CTSK: variants seen among roughly 807,000 people sequenced by gnomAD.
CTSK encodes cathepsin K.
Under a neutral mutation model 40.5 loss-of-function variants are expected in CTSK, and 26 were observed. That is an observed-to-expected ratio of 0.64 (90% CI 0.47 to 0.89). The LOEUF (loss-of-function observed/expected upper bound fraction) is 0.89. CTSK is among the 40% of genes least tolerant of loss of function. The probability of loss-of-function intolerance (pLI) is 0.00; values close to 1 mark genes in which losing one functional copy is unlikely to be tolerated. For missense variants in CTSK, 292 were observed against 400.1 expected, an observed-to-expected ratio of 0.73 and a Z score of 2.30; for synonymous variants, 132 against 143.2, an observed-to-expected ratio of 0.92 and a Z score of 0.56.
chr1:150,800,727 C>A, intron 5 of CTSK: 1 of 165,322 alleles, frequency 6.0e-6, no homozygotes. Flanking sequence ...TGTTTGTGCC[C>A]AGGAGTTTGA....
In CTSK at chr1:150,799,575, T is replaced by A; in HGVS notation, c.753A>T (p.Ala251=). 1 of 1,614,220 alleles carries A rather than the reference T, an allele frequency of 6.2e-7. No individual in the cohort carries two copies. The highest frequency in any genetic ancestry group is 8.5e-7 in the Non-Finnish European group (1 of 1,180,038). Residue 251 remains alanine, a synonymous_variant, in exon 6 of 8, where the codon GCA becomes GCT. Coordinates refer to ENST00000271651, the MANE Select transcript of CTSK (RefSeq NM_000396.4). ...RVGPVSVAID[A]SLTSFQFYSK... is the part of the protein sequence containing the mutation. ...TGTAAAACTGGAAGGAGGTCAGGCT[T>A]GCATCAATGGCCACAGAGACAGGTC...
chr1:150,799,438 C>T (rs1653939817), intron 6 of CTSK, 106 bp downstream of exon 6: 1 of 1,403,158 alleles, frequency 7.1e-7, no homozygotes. Flanking sequence ...CTGGCCACCT[C>T]CATGTGAATA....
rs754866059 is a variant in CTSK, at chr1:150,804,041, C to T, written c.598G>A (p.Ala200Thr). The T allele has an allele frequency of 1.2e-5, 19 of 1,614,016 alleles. No homozygotes were observed. The South Asian group carries it at 2.1e-4, about 18-fold the overall frequency. Residue 200 changes from alanine (A) to threonine (T), a missense_variant, in exon 5 of 8, where the codon GCC becomes ACC. Coordinates refer to ENST00000271651, the MANE Select transcript of CTSK (RefSeq NM_000396.4). ...CTCACCTGTCCCACATATGGGTAGGCATCTTCAGAGTCAATACCCCGGTTC... is the reference window on the plus strand; with the variant it reads ...CTCACCTGTCCCACATATGGGTAGGTATCTTCAGAGTCAATACCCCGGTTC... ...QKNRGIDSEDAYPYVGQEESC... is the reference protein window; with the variant it reads ...QKNRGIDSEDTYPYVGQEESC...
At position 150,807,005 on chromosome 1, in the gene CTSK, T is replaced by TTCTCTCTCTCTCTCTCTCTCTCTC. The variant is rs71659432; in HGVS notation, c.-1-200_-1-199insGAGAGAGAGAGAGAGAGAGAGAGA. On this transcript the variant is annotated intron_variant, in intron 1 of 7. Coordinates refer to ENST00000271651, the MANE Select transcript of CTSK (RefSeq NM_000396.4). ...TAGGGGGATTTAGCCATTTCTCTCT[T>TTCTCTCTCTCTCTCTCTCTCTCTC]TCTCTCTCTCTCTCTCTCTCGGGAG... Among the ~76,000 whole-genome samples the TTCTCTCTCTCTCTCTCTCTCTCTC allele has an allele frequency of 2.3e-3, 322 of 139,048 alleles. 6 individuals carry two copies. The highest frequency in any genetic ancestry group is 0.018 in the South Asian group (73 of 4,122). The allele number at this position is 139,048 out of a possible 152,430, so 91.2% of individuals were successfully genotyped here.
chr1:150,800,377 G>A (rs2101948694), intron 5 of CTSK: 1 of 155,336 alleles, frequency 6.4e-6, no homozygotes, highest in South Asian at 2.0e-4. Flanking sequence ...CCAAGGCCAA[G>A]GCTTAGCTAG....
chr1:150,804,158 T>A lies in CTSK; in HGVS notation c.481A>T (p.Asn161Tyr), dbSNP rs751076750. The change falls in exon 5 of 8, where the codon AAT (asparagine) becomes TAT (tyrosine). Residue 161 changes from asparagine to tyrosine, a missense_variant. Coordinates refer to ENST00000271651, the MANE Select transcript of CTSK (RefSeq NM_000396.4). ...QLKKKTGKLL[N>Y]LSPQNLVDCV... ...TCCACTAGGTTCTGGGGACTCAGAT[T>A]TAAGAGTTTGCCAGTTTTCTTCTTG... The A allele has an allele frequency of 1.2e-6, 2 of 1,614,198 alleles. No homozygotes were observed. The highest frequency in any genetic ancestry group is 8.5e-7 in the Non-Finnish European group (1 of 1,180,036).
At chr1:150,806,915 T>A (rs1453747729) in intron 1 of CTSK, 109 bp from the exon 2 acceptor site, 16 of 1,353,634 alleles carry the variant, frequency 1.2e-5, no homozygotes, top group Non-Finnish European at 1.7e-5. Flanking sequence ...GATAAAACAA[T>A]GATAGTCAGG....
chr1:150,805,231 G>A (rs12092817), intron 4 of CTSK, among the ~76,000 whole-genome samples: 2,916 of 146,066 alleles, frequency 0.02, 84 homozygotes, highest in African/African-American at 0.064. Flanking sequence ...AAAAATTTGG[G>A]GGGGGGGAAA....
chr1:150,799,601 C>T lies in CTSK; in HGVS notation c.727G>A (p.Gly243Arg), dbSNP rs201851269. Residue 243 changes from glycine to arginine, a missense_variant, in exon 6 of 8, where the codon GGA (glycine) becomes AGA (arginine). Physicochemically the swap from Gly to Arg is moderately radical, Grantham distance 125. Coordinates refer to ENST00000271651, the MANE Select transcript of CTSK (RefSeq NM_000396.4). The part of the protein sequence containing the change: ...KALKRAVARV[G>R]PVSVAIDASL... The stretch of plus-strand genomic sequence containing the variant: ...GCATCAATGGCCACAGAGACAGGTC[C>T]CACTCGGGCCACTGCCCTCTTCAGG... The T allele has an allele frequency of 6.2e-7, 1 of 1,614,180 alleles. No homozygotes were observed. The highest frequency in any genetic ancestry group is 8.5e-7 in the Non-Finnish European group (1 of 1,180,032).
At chr1:150,805,232 G>C (rs587744055) in intron 4 of CTSK, among the ~76,000 whole-genome samples, 132 of 145,772 alleles carry the variant, frequency 9.1e-4, no homozygotes, top group African/African-American at 3.2e-3. Flanking sequence ...AAAATTTGGG[G>C]GGGGGGAAAG....
chr1:150,799,116 G>A (rs1020780411), intron 7 of CTSK, 52 bp downstream of exon 7: 1 of 1,184,572 alleles, frequency 8.4e-7, no homozygotes, highest in African/African-American at 1.5e-5. Flanking sequence ...TGGAGGTGAG[G>A]TTGAGTGTTA....
At chr1:150,803,482 A>T (rs1199247498) in intron 5 of CTSK, among the ~76,000 whole-genome samples, 1 of 152,180 alleles carries the variant, frequency 6.6e-6, no homozygotes, top group Non-Finnish European at 1.5e-5. Context: ...GTGTATAAAA[A>T]ACCCCTCAGG....
rs201817083 is a variant in CTSK at position 150,796,804 on chromosome 1, T to G, written c.985A>C (p.Met329Leu). 6.2e-7 allele frequency: 1 copy of G among 1,611,964 alleles called. No individual in the cohort carries two copies. Among genetic ancestry groups the G allele is most frequent in the Non-Finnish European group, 8.5e-7 (1 of 1,178,018 alleles). The change falls in exon 8 of 8, where the codon ATG becomes CTG. Residue 329 changes from methionine to leucine, a missense_variant. Met to Leu is a conservative substitution (Grantham distance 15). Coordinates refer to ENST00000271651, the MANE Select transcript of CTSK (RefSeq NM_000396.4). Reference sequence around the variant, plus strand: ...ATGGATTTGGCTGGCTGGAGTCACATCTTGGGGAAGCTGGCCAGGTTGGCA... The same window carrying G: ...ATGGATTTGGCTGGCTGGAGTCACAGCTTGGGGAAGCTGGCCAGGTTGGCA... ...GIANLASFPK[M>L]
At position 150,796,568 on chromosome 1, in the gene CTSK, A is replaced by C. The variant is rs1653880214; in HGVS notation, c.*231T>G. ...TAGTCACATCTCTTAGCCTAAGAGT[A>C]CACAGCTGTCAGGGAAAGTCCTGAT... On this transcript the variant is annotated 3_prime_UTR_variant, in exon 8 of 8. Coordinates refer to ENST00000271651, the MANE Select transcript of CTSK (RefSeq NM_000396.4). 1 of 621,220 alleles carries C rather than the reference A, an allele frequency of 1.6e-6. No individual in the cohort carries two copies. The highest frequency in any genetic ancestry group is 2.5e-5 in the Admixed American group (1 of 40,622). 38.5% of individuals were successfully genotyped at this position (621,220 alleles called of 1,614,324 possible).
chr1:150,801,779 T>C (rs1006263988), intron 5 of CTSK, among the ~76,000 whole-genome samples: 1 of 151,742 alleles, frequency 6.6e-6, no homozygotes, highest in African/African-American at 2.4e-5. Flanking sequence ...GACCTTGTGA[T>C]CCACCCATCT....
At chr1:150,804,478 T>A (rs1419854076) in intron 4 of CTSK, among the ~76,000 whole-genome samples, 1 of 152,236 alleles carries the variant, frequency 6.6e-6, no homozygotes, top group Admixed American at 6.5e-5. Flanking sequence ...GAGGCATTTG[T>A]CCTGGGTGCT....
At chr1:150,807,074 TCTCTCTCACACACACACA>T (rs1309317017) in intron 1 of CTSK, among the ~76,000 whole-genome samples, 1 of 51,484 alleles carries the variant, frequency 1.9e-5, no homozygotes, top group Non-Finnish European at 4.6e-5. Flanking sequence ...TCTGTCTCTC[TCTCTCTCACACACACACA>T]CACACACACA....
chr1:150,799,413 G>C (rs764714663), intron 6 of CTSK, 131 bp downstream of exon 6: 25 of 1,247,904 alleles, frequency 2.0e-5, no homozygotes, highest in South Asian at 6.0e-5. Context: ...TACTGCAGCA[G>C]TTGTTAATTT....
At chr1:150,805,733 G>T in intron 4 of CTSK, 128 bp downstream of exon 4, 1 of 890,576 alleles carries the variant, frequency 1.1e-6, no homozygotes, top group East Asian at 2.4e-5. Context: ...AACAGAATGG[G>T]AATGGGGAGA....
Sources: allele counts gnomAD v4.1 joint callset (sites outside exome capture counted in the v4.1 genomes callset), GRCh38; gene constraint gnomAD v4.1.1; transcripts MANE v1.5; gene names NCBI Gene and HGNC (gene_info 2026-07-23, HGNC 2026-07-21).